TFDP2: variants seen among roughly 807,000 people sequenced by gnomAD.
TFDP2 encodes transcription factor Dp-2.
TFDP2 carries 17 observed loss-of-function variants against 59.3 expected under a neutral mutation model. That is an observed-to-expected ratio of 0.29 (90% CI 0.20 to 0.43). TFDP2 has a LOEUF of 0.43. Ranked by LOEUF, TFDP2 falls within the 20% of genes least tolerant of loss-of-function variation. The pLI is 1.00. For missense variants in TFDP2, 391 were observed against 528.8 expected, an observed-to-expected ratio of 0.74 and a Z score of 2.56; for synonymous variants, 180 against 194.7, an observed-to-expected ratio of 0.92 and a Z score of 0.63.
chr3:142,044,238 T>TTTG, intron 3 of TFDP2: 1 of 242,980 alleles, frequency 4.1e-6, no homozygotes, highest in Non-Finnish European at 7.9e-6. Flanking sequence ...TTTTTTTTTT[T>TTTG]TTTTTTTTTT....
chr3:142,139,972 G>A (rs1411221877), intron 1 of TFDP2, among the ~76,000 whole-genome samples: 3 of 152,142 alleles, frequency 2.0e-5, no homozygotes, highest in Non-Finnish European at 4.4e-5. Context: ...TTCCAACTTG[G>A]TTCCATTGTC....
intron 6 of TFDP2, among the ~76,000 whole-genome samples, chr3:141,991,469 A>T (rs776062401): frequency 6.6e-6 from 1 of 152,054 alleles, no homozygotes; most frequent in African/African-American, 2.4e-5. Context: ...AGTAAAAAAT[A>T]AAAAAAAGGC....
chr3:142,149,148 C>G, intron 1 of TFDP2, 35 bp downstream of exon 1: 1 of 397,876 alleles, frequency 2.5e-6, no homozygotes, highest in Non-Finnish European at 4.4e-6. Flanking sequence ...AAAGGCCCTC[C>G]GCGCGCGGGC....
intron 10 of TFDP2, among the ~76,000 whole-genome samples, chr3:141,961,277 T>C (rs1289239011): frequency 2.1e-5 from 3 of 143,224 alleles, no homozygotes; most frequent in Non-Finnish European, 3.0e-5. Context: ...AGAGTCTTGC[T>C]CTGTCGCCCA....
chr3:141,991,185 C>T (rs2108164267), intron 6 of TFDP2, among the ~76,000 whole-genome samples: 1 of 152,128 alleles, frequency 6.6e-6, no homozygotes, highest in East Asian at 1.9e-4. Flanking sequence ...ATTTTTCTTT[C>T]TTTCCAGGCA....
chr3:141,978,523 A>G lies in TFDP2; in HGVS notation c.516T>C (p.Asp172=). 6.2e-7 allele frequency: 1 copy of G among 1,606,654 alleles called. No homozygotes were observed. The highest frequency in any genetic ancestry group is 1.1e-5 in the South Asian group (1 of 88,634). Residue 172 remains aspartate (D), a synonymous_variant, in exon 7 of 13, where the codon GAT becomes GAC. Coordinates refer to ENST00000489671, the MANE Select transcript of TFDP2 (RefSeq NM_001178139.2). ...GTCAGGTTCATGATTTACATACCGA[A>G]TCAGCAGCCAAATGGTTATTTGAAT... ...FTNSNNHLAA[D]SAYDQKNIRR...
In TFDP2 at chr3:141,961,237, G is replaced by GTTTTTTTTTTT. The variant is rs1177754086; in HGVS notation, c.885-1408_885-1398dup. On this transcript the variant is annotated intron_variant, in intron 10 of 12. Coordinates refer to ENST00000489671, the MANE Select transcript of TFDP2 (RefSeq NM_001178139.2). ...TTTCCAGAATTCTCAGTTTTTTGTT[G>GTTTTTTTTTTT]TTTTTTTTTTTTTTTTTTTTTTTTG... Among the ~76,000 whole-genome samples the GTTTTTTTTTTT allele has an allele frequency of 2.8e-3, 233 of 84,656 alleles. 2 individuals are homozygous for GTTTTTTTTTTT. The highest frequency in any genetic ancestry group is 3.7e-3 in the East Asian group (10 of 2,688). The allele number at this position is 84,656 out of a possible 152,430, so 55.5% of individuals were successfully genotyped here. A position where few individuals can be genotyped will look rare whatever the true frequency, so the allele number is the denominator to read the frequency against.
At chr3:142,127,675 G>T (rs1383130615) in intron 1 of TFDP2, among the ~76,000 whole-genome samples, 2 of 151,902 alleles carry the variant, frequency 1.3e-5, no homozygotes, top group Non-Finnish European at 2.9e-5. Flanking sequence ...GTTGAGATGG[G>T]ATCTCACTGT....
rs1204301027 is a variant in TFDP2, at chr3:142,005,536, A to C, written c.91T>G (p.Ser31Ala). 6.3e-7 allele frequency: 1 copy of C among 1,591,966 alleles called. No homozygotes were observed. The highest frequency in any genetic ancestry group is 1.8e-5 in the Admixed American group (1 of 57,088). The change falls in exon 4 of 13, where the codon TCA becomes GCA. Residue 31 changes from serine to alanine, a missense_variant. Physicochemically the swap from Ser to Ala is moderately conservative, Grantham distance 99 (BLOSUM62 1). Around this residue, in one of 3 missense-constraint regions of TFDP2, gnomAD observed 162 missense variants for 206.8 expected, o/e 0.78. Coordinates refer to ENST00000489671, the MANE Select transcript of TFDP2 (RefSeq NM_001178139.2). The stretch of plus-strand genomic sequence containing the variant: ...TTGGAAACTGGAAATGCAACAAATG[A>C]AATGTTGCCTGAAATGATATCAAAA... ...QNLSPTKGNI[S>A]FVAFPVSNTN...
At chr3:141,975,625 T>C (rs973141637) in intron 7 of TFDP2, among the ~76,000 whole-genome samples, 3 of 145,462 alleles carry the variant, frequency 2.1e-5, no homozygotes, top group Non-Finnish European at 4.5e-5. Context: ...ATCCGGGAGA[T>C]GGAGGTTGCA....
chr3:142,132,448 T>C (rs2062551997), intron 1 of TFDP2, among the ~76,000 whole-genome samples: 1 of 149,628 alleles, frequency 6.7e-6, no homozygotes, highest in Non-Finnish European at 1.5e-5. Context: ...TAAAAAACAA[T>C]GTTATAGGGC....
At chr3:142,080,078 C>T (rs1228468406) in intron 3 of TFDP2, among the ~76,000 whole-genome samples, 1 of 152,162 alleles carries the variant, frequency 6.6e-6, no homozygotes, top group Non-Finnish European at 1.5e-5. Flanking sequence ...ATTCTCATGC[C>T]TCAACCTCCC....
At chr3:142,133,508 A>G (rs1341961665) in intron 1 of TFDP2, among the ~76,000 whole-genome samples, 1 of 149,640 alleles carries the variant, frequency 6.7e-6, no homozygotes, top group Non-Finnish European at 1.5e-5. Flanking sequence ...ACCAGGCCCA[A>G]AAGCAGTTTG....
intron 1 of TFDP2, among the ~76,000 whole-genome samples, chr3:142,140,582 T>G (rs11715339): frequency 0.083 from 12,624 of 152,256 alleles, 639 homozygotes; most frequent in Middle Eastern, 0.14. Flanking sequence ...TTGATGCTAT[T>G]CCTTTCTGTT....
chr3:141,986,150 A>C (rs1359966093), intron 6 of TFDP2, among the ~76,000 whole-genome samples: 5 of 152,254 alleles, frequency 3.3e-5, no homozygotes, highest in African/African-American at 1.2e-4. Flanking sequence ...ACAGGAGCCC[A>C]CAACATGAGG....
chr3:142,147,058 CAA>C (rs3070389), intron 1 of TFDP2, among the ~76,000 whole-genome samples: 38 of 105,026 alleles, frequency 3.6e-4, no homozygotes, highest in Admixed American at 4.3e-4. Flanking sequence ...AACCCTGTCT[CAA>C]AAAAAAAAAA....
chr3:142,059,699 C>G (rs982659970), intron 3 of TFDP2, among the ~76,000 whole-genome samples: 1 of 152,166 alleles, frequency 6.6e-6, no homozygotes, highest in Admixed American at 6.6e-5. Flanking sequence ...CCTGCCTCAG[C>G]CTCCTGAGTA....
At chr3:142,086,829 T>C (rs1205241518) in intron 3 of TFDP2, among the ~76,000 whole-genome samples, 1 of 152,204 alleles carries the variant, frequency 6.6e-6, no homozygotes, top group Non-Finnish European at 1.5e-5. Context: ...CGTGACTTTA[T>C]CTTTCTGGTG....
At chr3:142,107,437 T>C (rs2061511078) in intron 1 of TFDP2, among the ~76,000 whole-genome samples, 1 of 152,066 alleles carries the variant, frequency 6.6e-6, no homozygotes, top group African/African-American at 2.4e-5. Flanking sequence ...TTTTACCATG[T>C]TGGCCACGCT....
Sources: gnomAD v4.1 joint callset for allele counts (sites outside exome capture counted in the v4.1 genomes callset) on GRCh38, gnomAD v4.1.1 for gene constraint, gnomAD v4.1.1 regional missense constraint, MANE v1.5 for transcripts, NCBI Gene and HGNC (gene_info 2026-07-23, HGNC 2026-07-21) for gene names.